Variants in TAFA1 observed in about 807,000 individuals in gnomAD.
The protein encoded by TAFA1 is chemokine-like protein TAFA-1.
A neutral mutation model predicts 18.5 loss-of-function variants in TAFA1; 4 were observed. The ratio of observed to expected loss-of-function variants is 0.22; its 90% CI spans 0.11 to 0.49. The LOEUF (loss-of-function observed/expected upper bound fraction) is 0.49. Ranked by LOEUF, TAFA1 falls within the 20% of genes least tolerant of loss-of-function variation. TAFA1 has a pLI of 0.98. For synonymous variants in TAFA1, 56 were observed against 55.2 expected, an observed-to-expected ratio of 1.01 and a Z score of -0.06; for missense variants, 147 against 169.0, an observed-to-expected ratio of 0.87 and a Z score of 0.72.
intron 2 of TAFA1, among the ~76,000 whole-genome samples, chr3:68,326,674 A>G (rs1255539211): frequency 6.6e-6 from 1 of 152,242 alleles, no homozygotes; most frequent in Non-Finnish European, 1.5e-5. Context: ...AAGAATTATC[A>G]TGGCAGAAGG....
At chr3:68,288,430 T>C (rs1473748906) in intron 2 of TAFA1, among the ~76,000 whole-genome samples, 1 of 152,188 alleles carries the variant, frequency 6.6e-6, no homozygotes, top group Non-Finnish European at 1.5e-5. Context: ...TTCCGTTTCA[T>C]TGGCTCAGCT....
upstream of TAFA1, among the ~76,000 whole-genome samples, chr3:67,999,541 A>G (rs533709630): frequency 6.6e-6 from 1 of 152,206 alleles, no homozygotes; most frequent in South Asian, 2.1e-4. Flanking sequence ...TTGACTTTTA[A>G]CATCTGTAGA....
intron 3 of TAFA1, among the ~76,000 whole-genome samples, chr3:68,529,440 A>T (rs1216678875): frequency 2.8e-4 from 5 of 17,678 alleles, no homozygotes; most frequent in Admixed American, 1.0e-3. Flanking sequence ...ATTCTCTAAA[A>T]AAAAAAAAAA....
chr3:68,245,162 T>C (rs2067053935), intron 2 of TAFA1, among the ~76,000 whole-genome samples: 1 of 152,230 alleles, frequency 6.6e-6, no homozygotes, highest in African/African-American at 2.4e-5. Flanking sequence ...TTTGACATAT[T>C]ATCTATGTCC....
chr3:68,055,404 C>G (rs1168348027), intron 2 of TAFA1, among the ~76,000 whole-genome samples: 1 of 152,162 alleles, frequency 6.6e-6, no homozygotes, highest in Admixed American at 6.6e-5. Flanking sequence ...ATTTTGCTCC[C>G]TTCCCCTACC....
intron 2 of TAFA1, among the ~76,000 whole-genome samples, chr3:68,248,402 C>T (rs1046471447): frequency 1.3e-5 from 2 of 151,868 alleles, no homozygotes; most frequent in African/African-American, 4.8e-5. Flanking sequence ...CTTCAATTTG[C>T]CTTAGGCTTG....
intron 3 of TAFA1, among the ~76,000 whole-genome samples, chr3:68,465,446 C>T (rs2071870495): frequency 6.6e-6 from 1 of 152,136 alleles, no homozygotes; most frequent in East Asian, 1.9e-4. Context: ...CAGCCAAATG[C>T]ATTCTAATTA....
intron 3 of TAFA1, among the ~76,000 whole-genome samples, chr3:68,471,466 A>G (rs1270503331): frequency 6.6e-6 from 1 of 152,188 alleles, no homozygotes; most frequent in Non-Finnish European, 1.5e-5. Flanking sequence ...CTGCACCCTG[A>G]AAAACCAGAG....
chr3:68,140,036 A>C (rs1292556068), intron 2 of TAFA1, among the ~76,000 whole-genome samples: 1 of 152,192 alleles, frequency 6.6e-6, no homozygotes, highest in Non-Finnish European at 1.5e-5. Context: ...ATGTCACCCA[A>C]GTTGGCTTTC....
At chr3:68,431,146 A>T (rs1335220895) in intron 3 of TAFA1, among the ~76,000 whole-genome samples, 20 of 151,952 alleles carry the variant, frequency 1.3e-4, no homozygotes. Flanking sequence ...CCAGCCTTCC[A>T]TGAAATCTGG....
chr3:68,150,004 G>A (rs2106919160), intron 2 of TAFA1, among the ~76,000 whole-genome samples: 1 of 152,250 alleles, frequency 6.6e-6, no homozygotes, highest in Middle Eastern at 3.4e-3. Flanking sequence ...TACTGCATAG[G>A]TAATGAAGCA....
intron 2 of TAFA1, among the ~76,000 whole-genome samples, chr3:68,414,314 A>T (rs983223646): frequency 6.6e-6 from 1 of 152,128 alleles, no homozygotes; most frequent in Non-Finnish European, 1.5e-5. Context: ...TATCAAAACA[A>T]ACAAACAAAC....
At chr3:68,057,516 A>T (rs996054637) in intron 2 of TAFA1, among the ~76,000 whole-genome samples, 3 of 152,190 alleles carry the variant, frequency 2.0e-5, no homozygotes, top group African/African-American at 4.8e-5. Context: ...ATACATTAGA[A>T]ACAATTTTTA....
intron 2 of TAFA1, among the ~76,000 whole-genome samples, chr3:68,363,357 G>A (rs1456032168): frequency 6.6e-6 from 1 of 152,144 alleles, no homozygotes; most frequent in African/African-American, 2.4e-5. Context: ...TCTGTCCTCT[G>A]TGCTAGGACC....
At chr3:68,169,636 G>T (rs1004304202) in intron 2 of TAFA1, among the ~76,000 whole-genome samples, 1 of 152,220 alleles carries the variant, frequency 6.6e-6, no homozygotes, top group Non-Finnish European at 1.5e-5. Flanking sequence ...CTAAAGGCAA[G>T]ATTATAACAA....
chr3:68,537,457 G>A (rs1366088550), intron 3 of TAFA1, among the ~76,000 whole-genome samples: 1 of 152,190 alleles, frequency 6.6e-6, no homozygotes, highest in Non-Finnish European at 1.5e-5. Flanking sequence ...ACAGGTTAGG[G>A]AAGGGAGAGA....
intron 2 of TAFA1, among the ~76,000 whole-genome samples, chr3:68,044,545 GCCTGGGTTCTCCCATGGTTTAA>G (rs1210334875): frequency 6.6e-6 from 1 of 152,154 alleles, no homozygotes; most frequent in Non-Finnish European, 1.5e-5. Flanking sequence ...TCCAGCCTGG[GCCTGGGTTCTCCCATGGTTTAA>G]GGAAACAGAT....
rs117332061 is a variant in TAFA1, at chr3:68,310,014, G to A, written c.119-107266G>A. Among the ~76,000 whole-genome samples, 252 of 152,254 alleles carry A rather than the reference G, an allele frequency of 1.7e-3. 10 individuals are homozygous for A. The East Asian group carries it at 0.039, about 24-fold the overall frequency. On this transcript the variant is annotated intron_variant, in intron 2 of 4. Coordinates refer to ENST00000478136, the MANE Select transcript of TAFA1 (RefSeq NM_213609.4). ...TTTCTCGAGGAAATTTCCAAAGTTA[G>A]TTTATGATTAATTTATCAATAATTA...
intron 2 of TAFA1, among the ~76,000 whole-genome samples, chr3:68,068,372 AC>A (rs1337775671): frequency 6.6e-6 from 1 of 152,162 alleles, no homozygotes; most frequent in African/African-American, 2.4e-5. Flanking sequence ...AGAATAAGAT[AC>A]TTATTTCTAG....
Sources: gnomAD v4.1 joint callset for allele counts (sites outside exome capture counted in the v4.1 genomes callset) on GRCh38, gnomAD v4.1.1 for gene constraint, MANE v1.5 for transcripts, NCBI Gene and HGNC (gene_info 2026-07-23, HGNC 2026-07-21) for gene names.